The following AMZ1 variants were observed in gnomAD, a reference collection of about 807,000 sequenced individuals.
AMZ1 encodes the protein archaelysin family metallopeptidase 1, also known as archaemetzincin-1.
Under a neutral mutation model 29.9 loss-of-function variants are expected in AMZ1, and 39 were observed. That is an observed-to-expected ratio of 1.30 (90% confidence interval 1.01 to 1.70). The LOEUF is 1.70. Ranked by LOEUF, AMZ1 falls within the 40% of genes most tolerant of loss-of-function variation. AMZ1 has a pLI of 0.00. For synonymous variants in AMZ1, 458 were observed against 304.0 expected (o/e 1.51, Z -5.27); for missense variants, 1,041 against 680.6 (o/e 1.53, Z -5.89).
At position 2,700,546 on chromosome 7, in the gene AMZ1, A is replaced by G. The variant is rs776269621; in HGVS notation, c.95A>G (p.Tyr32Cys). Residue 32 changes from tyrosine to cysteine, a missense_variant, in exon 2 of 7, where the codon TAT becomes TGT. Transcript: ENST00000683327. ...VSTDAALQQL[Y>C]VSAFSPAERL... ...ACTGACGCAGCCCTGCAGCAGCTGT[A>G]TGTGTCCGCCTTCTCCCCTGCCGAG... 6.2e-7 allele frequency: 1 copy of G among 1,609,426 alleles called. No individual in the cohort carries two copies. The highest frequency in any genetic ancestry group is 1.7e-5 in the Admixed American group (1 of 60,022).
intron 4 of AMZ1, among the ~76,000 whole-genome samples, chr7:2,744,562 A>T (rs1371723503): frequency 6.6e-6 from 1 of 152,232 alleles, no homozygotes; most frequent in Non-Finnish European, 1.5e-5. Context: ...GACCACAAAG[A>T]TGGGGAAAAA....
At chr7:2,755,654 TG>T (rs574790779) in intron 4 of AMZ1, among the ~76,000 whole-genome samples, 218 of 152,366 alleles carry the variant, frequency 1.4e-3, no homozygotes, top group Admixed American at 4.3e-3. Flanking sequence ...GTAGATTCCT[TG>T]GGATTTTCTG....
chr7:2,732,142 T>C (rs1462892414), intron 4 of AMZ1, among the ~76,000 whole-genome samples: 1 of 152,264 alleles, frequency 6.6e-6, no homozygotes, highest in African/African-American at 2.4e-5. Flanking sequence ...ATTTAGGTTT[T>C]GAATGTGATG....
At chr7:2,704,973 C>CT (rs1380902062) in intron 3 of AMZ1, among the ~76,000 whole-genome samples, 1 of 152,204 alleles carries the variant, frequency 6.6e-6, no homozygotes, top group Non-Finnish European at 1.5e-5. Context: ...AACATAGTTG[C>CT]TTGACCGTCT....
upstream of AMZ1, chr7:2,763,267 C>G: frequency 3.5e-6 from 1 of 286,890 alleles, no homozygotes; most frequent in Non-Finnish European, 5.3e-6. Flanking sequence ...ATTTGCCTTC[C>G]CAGGCCCGTG....
Position 2,712,491 on chromosome 7 carries a change from T to TG in AMZ1, c.1111dup (p.Asp371GlyfsTer38). 8.1e-6 allele frequency: 13 copies of TG among 1,609,752 alleles called. No individual in the cohort carries two copies. Among genetic ancestry groups the TG allele is most frequent in the Non-Finnish European group, 1.1e-5 (13 of 1,178,702 alleles). ...CCAGTGTGTCGGAGCCCCTCACCCC[T>TG]GATGCCGGGAGTCACACCTTCGCCT... On this transcript the variant is annotated frameshift_variant, in exon 7 of 7. Coordinates refer to ENST00000683327, the MANE Select transcript of AMZ1 (RefSeq NM_001384743.1). LOFTEE classifies it low-confidence loss of function (END_TRUNC).
chr7:2,742,980 G>C (rs1054510857), intron 4 of AMZ1, among the ~76,000 whole-genome samples: 1 of 152,204 alleles, frequency 6.6e-6, no homozygotes, highest in Non-Finnish European at 1.5e-5. Context: ...GTGAGCCACA[G>C]GCATGGTGGT....
chr7:2,748,663 A>T (rs1790882073), intron 4 of AMZ1, among the ~76,000 whole-genome samples: 1 of 152,230 alleles, frequency 6.6e-6, no homozygotes, highest in African/African-American at 2.4e-5. Flanking sequence ...GACAAATGGG[A>T]TCTAATTAAA....
rs1789215839 is a variant in AMZ1, at chr7:2,717,769, A to G, written c.*4891A>G. ...ACATCCTACAGCAGCACCTTGATGAATGAGAACCCGGAAGAATGGAGGTTT... is the reference window on the plus strand; with the variant it reads ...ACATCCTACAGCAGCACCTTGATGAGTGAGAACCCGGAAGAATGGAGGTTT... On this transcript the variant is annotated 3_prime_UTR_variant, in exon 7 of 7. Coordinates refer to ENST00000683327, the MANE Select transcript of AMZ1 (RefSeq NM_001384743.1). Among the ~76,000 whole-genome samples the G allele has an allele frequency of 6.6e-6, 1 of 152,206 alleles. No homozygotes were observed. The highest frequency in any genetic ancestry group is 6.5e-5 in the Admixed American group (1 of 15,286).
At chr7:2,741,153 A>T (rs1160267219) in intron 4 of AMZ1, among the ~76,000 whole-genome samples, 1 of 152,216 alleles carries the variant, frequency 6.6e-6, no homozygotes, top group Admixed American at 6.5e-5. Flanking sequence ...GCTAGAAAGA[A>T]ATTTTACAGT....
At position 2,709,757 on chromosome 7, in the gene AMZ1, C is replaced by T; in HGVS notation, c.889C>T (p.Pro297Ser). 2 of 1,611,906 alleles carry T rather than the reference C, an allele frequency of 1.2e-6. No individual in the cohort carries two copies. Among genetic ancestry groups the T allele is most frequent in the Non-Finnish European group, 8.5e-7 (1 of 1,179,886 alleles). ...CCTGCGGCGGCCCCTGGACCTCTGT[C>T]CCATCTGCCTGAGGAAGCTGCAGCA... ...EALRRPLDLCPICLRKLQHVL... is the reference protein window; with the variant it reads ...EALRRPLDLCSICLRKLQHVL... The change falls in exon 6 of 7, where the codon CCC (proline) becomes TCC (serine). Residue 297 changes from proline (P) to serine (S), a missense_variant. By Grantham distance (74) the Pro-to-Ser change is moderately conservative. Transcript: ENST00000683327.
chr7:2,709,340 A>C, intron 5 of AMZ1, 96 bp downstream of exon 5: 1 of 1,249,644 alleles, frequency 8.0e-7, no homozygotes, highest in Non-Finnish European at 1.1e-6. Context: ...CCTCACAGTG[A>C]AGTGGATGGA....
At chr7:2,701,751 T>G (rs1353561412) in intron 2 of AMZ1, among the ~76,000 whole-genome samples, 1 of 152,198 alleles carries the variant, frequency 6.6e-6, no homozygotes, top group East Asian at 1.9e-4. Flanking sequence ...AGGGCTGACC[T>G]CGCCTGGCCT....
intron 4 of AMZ1, among the ~76,000 whole-genome samples, chr7:2,736,245 C>T (rs73047393): frequency 0.11 from 16,259 of 152,220 alleles, 1,011 homozygotes; most frequent in Middle Eastern, 0.18. Flanking sequence ...AAGACGAGCC[C>T]AGAGTCCTCT....
chr7:2,747,812 C>G (rs1790841337), intron 4 of AMZ1, among the ~76,000 whole-genome samples: 1 of 151,920 alleles, frequency 6.6e-6, no homozygotes, highest in African/African-American at 2.4e-5. Context: ...AGCTGATAAG[C>G]AACTTCAGGA....
At chr7:2,758,729 GC>G (rs1791417016) in intron 4 of AMZ1, among the ~76,000 whole-genome samples, 2 of 152,212 alleles carry the variant, frequency 1.3e-5, no homozygotes, top group African/African-American at 2.4e-5. Flanking sequence ...CAGAGTCACA[GC>G]CCTAGGCTGG....
chr7:2,715,238 G>A lies in AMZ1; in HGVS notation c.*2360G>A, dbSNP rs1374887592. The A allele has an allele frequency of 6.6e-6, 1 of 152,300 alleles. No individual in the cohort carries two copies. The highest frequency in any genetic ancestry group is 6.5e-5 in the Admixed American group (1 of 15,276). 9.4% of individuals were successfully genotyped at this position (152,300 alleles called of 1,614,324 possible). A position where few individuals can be genotyped will look rare whatever the true frequency, so the allele number is the denominator to read the frequency against. ...GACCCCACCCCAGGTTCACGGGGAG[G>A]GGACGTGGCAGGGAATGTGAGACAA... On this transcript the variant is annotated 3_prime_UTR_variant, in exon 7 of 7. Coordinates refer to ENST00000683327, the MANE Select transcript of AMZ1 (RefSeq NM_001384743.1).
upstream of AMZ1, among the ~76,000 whole-genome samples, chr7:2,761,884 G>C (rs562465574): frequency 2.0e-5 from 3 of 152,262 alleles, no homozygotes; most frequent in South Asian, 4.2e-4. Flanking sequence ...TCGGCTTCCA[G>C]CTGGTCCAGT....
chr7:2,717,284 G>C lies in AMZ1; in HGVS notation c.*4406G>C, dbSNP rs1562380668. On this transcript the variant is annotated 3_prime_UTR_variant, in exon 7 of 7. Transcript: ENST00000683327. ...ATATTTTTATCCCCGTGAAGACGGA[G>C]AGAATCAGGGCTTCGCGACGGGGCT... Among the ~76,000 whole-genome samples the C allele has an allele frequency of 2.0e-5, 3 of 152,338 alleles. No homozygotes were observed. Among genetic ancestry groups the C allele is most frequent in the South Asian group, 2.1e-4 (1 of 4,834 alleles).
Sources: allele counts gnomAD v4.1 joint callset (sites outside exome capture counted in the v4.1 genomes callset), GRCh38; gene constraint gnomAD v4.1.1; transcripts MANE v1.5; gene names NCBI Gene and HGNC (gene_info 2026-07-23, HGNC 2026-07-21).